Variants in ANO10 observed in about 807,000 individuals in gnomAD.
ANO10 encodes the protein anoctamin 10.
In ANO10, 77 loss-of-function variants were observed where a neutral mutation model predicts 74.7. That is an observed-to-expected ratio of 1.03 (90% CI 0.86 to 1.25). The LOEUF (loss-of-function observed/expected upper bound fraction) is 1.25, where lower values mean the gene tolerates loss of function less well. Ranked by LOEUF, ANO10 falls within the 50% of genes most tolerant of loss-of-function variation. The pLI, the probability that ANO10 is intolerant of heterozygous loss-of-function variation, is 0.00. For synonymous variants in ANO10, 279 were observed against 284.9 expected (o/e 0.98, Z 0.21); for missense variants, 721 against 778.1 (o/e 0.93, Z 0.87).
chr3:43,421,821 G>A (rs1302190099), intron 12 of ANO10, among the ~76,000 whole-genome samples: 1 of 145,650 alleles, frequency 6.9e-6, no homozygotes, highest in Non-Finnish European at 1.5e-5. Context: ...CTGAGTGACG[G>A]AGTAAGACCA....
chr3:43,596,324 A>G (rs2082082292), intron 4 of ANO10, among the ~76,000 whole-genome samples: 3 of 152,218 alleles, frequency 2.0e-5, no homozygotes, highest in Admixed American at 1.3e-4. Context: ...AAGCCAAAAG[A>G]ACAAAGCTGG....
rs145724084 is a variant in ANO10, at chr3:43,531,839, G to A, written c.1797+17881C>T. On this transcript the variant is annotated intron_variant, in intron 11 of 12. Transcript: ENST00000292246. ...GAGCCCAGGAGGCGGAGGTTGCAGT[G>A]AGCCGAGATTGGGCCATCGGCCACT... Among the ~76,000 whole-genome samples the A allele has an allele frequency of 2.6e-5, 4 of 151,762 alleles. No homozygotes were observed. The East Asian group carries it at 7.8e-4, about 29-fold the overall frequency.
intron 12 of ANO10, among the ~76,000 whole-genome samples, chr3:43,371,466 C>T (rs1168014126): frequency 6.6e-6 from 1 of 152,172 alleles, no homozygotes; most frequent in Non-Finnish European, 1.5e-5. Context: ...CTCCCCGACC[C>T]AAAGTCTGAT....
intron 12 of ANO10, among the ~76,000 whole-genome samples, chr3:43,400,911 C>T (rs537673852): frequency 1.1e-4 from 16 of 152,296 alleles, no homozygotes; most frequent in Middle Eastern, 3.4e-3. Context: ...CAAGTAGGAA[C>T]GTACTTTGTC....
chr3:43,689,130 G>T (rs537560618), intron 1 of ANO10, among the ~76,000 whole-genome samples: 2 of 152,254 alleles, frequency 1.3e-5, no homozygotes, highest in South Asian at 4.1e-4. Flanking sequence ...AATCATTCAT[G>T]AGAAATTCAC....
chr3:43,463,732 A>T (rs1214963127), intron 11 of ANO10, among the ~76,000 whole-genome samples: 1 of 152,156 alleles, frequency 6.6e-6, no homozygotes, highest in Non-Finnish European at 1.5e-5. Context: ...TGGACTGTGG[A>T]CTTCTGAGTT....
In ANO10 at chr3:43,489,661, C is replaced by A. The variant is rs534097311; in HGVS notation, c.1798-56934G>T. Among the ~76,000 whole-genome samples, 4 of 152,002 alleles carry A rather than the reference C, an allele frequency of 2.6e-5. No homozygotes were observed. The East Asian group carries it at 5.8e-4, about 22-fold the overall frequency. The stretch of plus-strand genomic sequence containing the variant: ...ATTACACAGTTAGACAGAATGAATT[C>A]GTCAATAATTTCATTTCAGGTGCTC... On this transcript the variant is annotated intron_variant, in intron 11 of 12. Coordinates refer to ENST00000292246, the MANE Select transcript of ANO10 (RefSeq NM_018075.5).
chr3:43,605,589 T>C (rs2082522197), intron 2 of ANO10, 125 bp downstream of exon 2: 2 of 1,303,896 alleles, frequency 1.5e-6, no homozygotes, highest in East Asian at 2.5e-5. Flanking sequence ...GTAAATAAAA[T>C]ATATCAACGA....
intron 11 of ANO10, among the ~76,000 whole-genome samples, chr3:43,528,776 T>C (rs1239572456): frequency 6.6e-6 from 1 of 151,592 alleles, no homozygotes; most frequent in Admixed American, 6.6e-5. Flanking sequence ...CTGGGCAACA[T>C]GGCAAAACCC....
chr3:43,432,680 A>C lies in ANO10; in HGVS notation c.1845T>G (p.Asp615Glu), dbSNP rs1326875025. The part of the protein sequence containing the change: ...LKFILAFAIP[D>E]KPRHIQMKLA... ...GTTTCATCTGGATATGCCGTGGCTT[A>C]TCAGGTATGGCAAATGCAAGTATAA... The change falls in exon 12 of 13, where the codon GAT (aspartate) becomes GAG (glutamate). Residue 615 changes from aspartate to glutamate, a missense_variant. Coordinates refer to ENST00000292246, the MANE Select transcript of ANO10 (RefSeq NM_018075.5). The C allele has an allele frequency of 1.2e-6, 2 of 1,613,880 alleles. No individual in the cohort carries two copies. The highest frequency in any genetic ancestry group is 3.3e-5 in the Admixed American group (2 of 59,972).
intron 10 of ANO10, among the ~76,000 whole-genome samples, chr3:43,553,757 G>A (rs1334920871): frequency 9.2e-5 from 14 of 151,916 alleles, no homozygotes; most frequent in Non-Finnish European, 7.4e-5. Context: ...GGCTGGTCTC[G>A]AACTTCTGAC....
At chr3:43,607,879 AG>A (rs1409552010) in intron 1 of ANO10, among the ~76,000 whole-genome samples, 1 of 152,200 alleles carries the variant, frequency 6.6e-6, no homozygotes, top group Admixed American at 6.5e-5. Flanking sequence ...AAGGCTTTAT[AG>A]AAAATCAGAC....
chr3:43,602,942 G>A (rs1427756758), intron 2 of ANO10, among the ~76,000 whole-genome samples: 1 of 152,200 alleles, frequency 6.6e-6, no homozygotes, highest in Non-Finnish European at 1.5e-5. Flanking sequence ...CATTGAAGAT[G>A]AGGATTTTTA....
At chr3:43,461,356 A>T (rs951491093) in intron 11 of ANO10, among the ~76,000 whole-genome samples, 3 of 152,250 alleles carry the variant, frequency 2.0e-5, no homozygotes, top group Admixed American at 2.0e-4. Flanking sequence ...TCTATTAAAG[A>T]TATTGAATTC....
intron 11 of ANO10, among the ~76,000 whole-genome samples, chr3:43,518,153 G>C (rs1199280206): frequency 2.0e-5 from 3 of 152,144 alleles, no homozygotes; most frequent in Non-Finnish European, 4.4e-5. Context: ...TGAACGGAGG[G>C]ACCTGCTGAA....
At chr3:43,498,842 G>A (rs1316475447) in intron 11 of ANO10, among the ~76,000 whole-genome samples, 2 of 152,204 alleles carry the variant, frequency 1.3e-5, no homozygotes, top group African/African-American at 2.4e-5. Flanking sequence ...AACATTTCTT[G>A]TACTCAGTGC....
intron 11 of ANO10, among the ~76,000 whole-genome samples, chr3:43,509,449 T>G (rs145556753): frequency 0.011 from 1,678 of 152,342 alleles, 95 homozygotes; most frequent in Admixed American, 0.082. Flanking sequence ...GAAAAGTTGT[T>G]CAGCATCATT....
At chr3:43,558,654 G>A (rs1366239987) in intron 9 of ANO10, among the ~76,000 whole-genome samples, 4 of 152,142 alleles carry the variant, frequency 2.6e-5, no homozygotes, top group African/African-American at 9.7e-5. Context: ...ACATATAACA[G>A]TCAGGATGAG....
At chr3:43,652,175 G>T (rs1030950089) in intron 1 of ANO10, among the ~76,000 whole-genome samples, 2 of 151,766 alleles carry the variant, frequency 1.3e-5, no homozygotes, top group African/African-American at 4.8e-5. Flanking sequence ...AATGCAGGGG[G>T]TCCATAATAG....
Sources: allele counts gnomAD v4.1 joint callset (sites outside exome capture counted in the v4.1 genomes callset), GRCh38; gene constraint gnomAD v4.1.1; transcripts MANE v1.5; gene names NCBI Gene and HGNC (gene_info 2026-07-23, HGNC 2026-07-21).